TRPV4: variants seen among roughly 807,000 people sequenced by gnomAD.
TRPV4 encodes the protein transient receptor potential cation channel subfamily V member 4.
A neutral mutation model predicts 84.1 loss-of-function variants in TRPV4; 58 were observed. The ratio of observed to expected loss-of-function variants is 0.69; its 90% CI spans 0.56 to 0.86. TRPV4 has a LOEUF of 0.86. Among genes scored for constraint, TRPV4 ranks in the 40% least tolerant of loss-of-function variants. TRPV4 has a pLI of 0.00. For missense variants in TRPV4, 879 were observed against 1,181.1 expected (o/e 0.74, Z 3.75); for synonymous variants, 489 against 500.9 (o/e 0.98, Z 0.32).
At position 109,793,723 on chromosome 12, in the gene TRPV4, G is replaced by C; in HGVS notation, c.1585-123C>G. The stretch of plus-strand genomic sequence containing the variant: ...AGGCTGGTACAGAGAAAAGACAAAG[G>C]ACTCTTTCCTGTTAGAAAAGGAGAA... On this transcript the variant is annotated intron_variant, in intron 9 of 15. Transcript: ENST00000261740. This position sits in a 1 kb window ranked among gnomAD's most constrained non-coding sequence, Gnocchi z 4.0. The C allele has an allele frequency of 2.2e-6, 2 of 920,730 alleles. No homozygotes were observed. Among genetic ancestry groups the C allele is most frequent in the Non-Finnish European group, 3.5e-6 (2 of 572,634 alleles). The allele number at this position is 920,730 out of a possible 1,614,324, so 57.0% of individuals were successfully genotyped here.
rs34599967 is a variant in TRPV4 at position 109,814,716 on chromosome 12, A to G, written c.81T>C (p.Gly27=). Residue 27 remains glycine (G), a synonymous_variant, in exon 2 of 16, where the codon GGT becomes GGC. Transcript: ENST00000261740. The surrounding 1 kb of genome is among the most constrained non-coding windows in gnomAD (Gnocchi z 5.4). ...GGGAGGAGAGAGGAAAAGCCTCCCCACCTGGGGTGCCACTCTCATCCCCGG... is the reference window on the plus strand; with the variant it reads ...GGGAGGAGAGAGGAAAAGCCTCCCCGCCTGGGGTGCCACTCTCATCCCCGG... ...ELPGDESGTP[G]GEAFPLSSLA... The G allele has an allele frequency of 4.3e-3, 6,831 of 1,602,718 alleles. 274 individuals carry two copies. The African/African-American group carries it at 0.081, about 19-fold the overall frequency.
intron 1 of TRPV4, among the ~76,000 whole-genome samples, chr12:109,827,636 A>G (rs1052913159): frequency 2.6e-5 from 4 of 151,968 alleles, no homozygotes; most frequent in Admixed American, 6.6e-5. Flanking sequence ...ATACACACAT[A>G]CATACATATA....
At chr12:109,800,042 A>C (rs1003012199) in intron 5 of TRPV4, among the ~76,000 whole-genome samples, 2 of 152,064 alleles carry the variant, frequency 1.3e-5, no homozygotes, top group African/African-American at 4.8e-5. Context: ...CCCCAGGTTC[A>C]AGCAATTCTC....
intron 12 of TRPV4, among the ~76,000 whole-genome samples, chr12:109,790,976 C>T (rs1889988194): frequency 6.6e-6 from 1 of 152,344 alleles, no homozygotes; most frequent in South Asian, 2.1e-4. Flanking sequence ...ACTAGCTAGA[C>T]CAGTCAGCCA....
Position 109,786,781 on chromosome 12 carries a change from G to T in TRPV4, c.2265C>A (p.Ala755=), listed in dbSNP as rs1414706012. 1.2e-6 allele frequency: 2 copies of T among 1,613,950 alleles called. No individual in the cohort carries two copies. Among genetic ancestry groups the T allele is most frequent in the Non-Finnish European group, 1.7e-6 (2 of 1,180,038 alleles). The change falls in exon 14 of 16, where the codon GCC becomes GCA. Residue 755 remains alanine (A), a synonymous_variant. Transcript: ENST00000261740. The surrounding 1 kb of genome is among the most constrained non-coding windows in gnomAD (Gnocchi z 4.5). ...ERSFPVFLRK[A]FRSGEMVTVG... ...CGGTGACCATCTCCCCAGAGCGGAA[G>T]GCCTTCCTCAGGAATACGGGGAAGG...
intron 12 of TRPV4, among the ~76,000 whole-genome samples, chr12:109,790,972 T>C (rs1029260049): frequency 2.0e-5 from 3 of 152,312 alleles, no homozygotes; most frequent in African/African-American, 7.2e-5. Flanking sequence ...CCATACTAGC[T>C]AGACCAGTCA....
At chr12:109,830,778 C>G (rs781624417) in intron 1 of TRPV4, among the ~76,000 whole-genome samples, 1 of 152,150 alleles carries the variant, frequency 6.6e-6, no homozygotes, top group Non-Finnish European at 1.5e-5. Context: ...ACCCCATCCC[C>G]CTAGGAACAG....
chr12:109,820,513 CCTA>C (rs1445748095), intron 1 of TRPV4, among the ~76,000 whole-genome samples: 87 of 106,770 alleles, frequency 8.1e-4, no homozygotes, highest in Non-Finnish European at 1.1e-3. Context: ...CTTCAGCTGC[CCTA>C]TTTTTTTTTT....
chr12:109,784,959 C>T, intron 14 of TRPV4, among the ~76,000 whole-genome samples: 1 of 151,724 alleles, frequency 6.6e-6, no homozygotes, highest in East Asian at 1.9e-4. Flanking sequence ...AGCACATCCA[C>T]ATTGTGTGAC....
Position 109,802,997 on chromosome 12 carries a change from A to G in TRPV4, c.706T>C (p.Tyr236His), listed in dbSNP as rs758936455. The G allele has an allele frequency of 1.9e-6, 3 of 1,614,016 alleles. No individual in the cohort carries two copies. Among genetic ancestry groups the G allele is most frequent in the Non-Finnish European group, 2.5e-6 (3 of 1,180,004 alleles). The change falls in exon 4 of 16, where the codon TAT (tyrosine) becomes CAT (histidine). Residue 236 changes from tyrosine to histidine, a missense_variant. Coordinates refer to ENST00000261740, the MANE Select transcript of TRPV4 (RefSeq NM_021625.5). ...FINSPFRDIY[Y>H]RGQTALHIAI... ...GCCCAGCCCGGGGCCCCACCTCGAT[A>G]GTAGATGTCACGGAAGGGCGAGTTA...
At chr12:109,806,027 G>T (rs926704148) in intron 3 of TRPV4, among the ~76,000 whole-genome samples, 51 of 152,286 alleles carry the variant, frequency 3.3e-4, no homozygotes, top group African/African-American at 1.2e-3. Flanking sequence ...TTTGGCCAGG[G>T]CTTAAACATG....
At chr12:109,829,658 T>A (rs1892359165) in intron 1 of TRPV4, among the ~76,000 whole-genome samples, 1 of 152,208 alleles carries the variant, frequency 6.6e-6, no homozygotes, top group South Asian at 2.1e-4. Flanking sequence ...CAGAGCCCCA[T>A]CCACGTGCCT....
Position 109,798,175 on chromosome 12 carries a change from G to C in TRPV4, c.1152+439C>G, listed in dbSNP as rs528815920. On this transcript the variant is annotated intron_variant, in intron 6 of 15. Transcript: ENST00000261740. This position sits in a 1 kb window ranked among gnomAD's most constrained non-coding sequence, Gnocchi z 5.0. ...TCAATGTCTGGCAATAGCACAAGAC[G>C]GTCCCCACCACAAAGAGCCTGCCGC... 1.3e-5 allele frequency among the ~76,000 whole-genome samples: 2 copies of C among 152,180 alleles called. No homozygotes were observed. The highest frequency in any genetic ancestry group is 2.4e-5 in the African/African-American group (1 of 41,442).
Position 109,814,265 on chromosome 12 carries a change from A to T in TRPV4, c.386+146T>A. The T allele has an allele frequency of 1.1e-6, 1 of 931,144 alleles. No homozygotes were observed. The highest frequency in any genetic ancestry group is 2.0e-5 in the Admixed American group (1 of 50,074). 57.7% of individuals were successfully genotyped at this position (931,144 alleles called of 1,614,324 possible). On this transcript the variant is annotated intron_variant, in intron 2 of 15. Coordinates refer to ENST00000261740, the MANE Select transcript of TRPV4 (RefSeq NM_021625.5). This position sits in a 1 kb window ranked among gnomAD's most constrained non-coding sequence, Gnocchi z 5.4. ...TATGGATAGGGAGATGAATAGATGG[A>T]TGGATAGATGTATGGATGGTTGGAT... is the stretch of plus-strand genomic sequence containing the variant.
chr12:109,820,955 G>C (rs996984890), intron 1 of TRPV4, among the ~76,000 whole-genome samples: 2 of 152,220 alleles, frequency 1.3e-5, no homozygotes, highest in Admixed American at 6.5e-5. Flanking sequence ...GAGAATCCCG[G>C]ATTCAAAGGC....
intron 5 of TRPV4, among the ~76,000 whole-genome samples, chr12:109,799,348 C>T (rs1890629817): frequency 6.6e-6 from 1 of 152,118 alleles, no homozygotes; most frequent in African/African-American, 2.4e-5. Flanking sequence ...AGGATTTCGC[C>T]ATGTTGGCCA....
intron 5 of TRPV4, 116 bp from the exon 6 acceptor site, chr12:109,799,028 AC>A: frequency 2.0e-6 from 2 of 1,010,352 alleles, no homozygotes; most frequent in Non-Finnish European, 2.9e-6. Context: ...CGGAGACAGC[AC>A]CAGCAGTGGA....
intron 1 of TRPV4, among the ~76,000 whole-genome samples, chr12:109,822,140 A>G (rs1022663046): frequency 6.9e-6 from 1 of 145,076 alleles, no homozygotes; most frequent in Non-Finnish European, 1.5e-5. Flanking sequence ...CAGGGTGCAC[A>G]GAGGAATGGT....
intron 12 of TRPV4, among the ~76,000 whole-genome samples, chr12:109,791,112 G>T (rs1766074899): frequency 6.6e-6 from 1 of 152,192 alleles, no homozygotes; most frequent in African/African-American, 2.4e-5. Flanking sequence ...GCCTGGTACA[G>T]TGGCTCACGC....
Sources: gnomAD v4.1 joint callset for allele counts (sites outside exome capture counted in the v4.1 genomes callset) on GRCh38, gnomAD v4.1.1 for gene constraint, Gnocchi (gnomAD v3.1) non-coding constraint, MANE v1.5 for transcripts, NCBI Gene and HGNC (gene_info 2026-07-23, HGNC 2026-07-21) for gene names.